The following ROBO1 variants were observed in gnomAD, a reference collection of about 807,000 sequenced individuals.
The protein encoded by ROBO1 is roundabout homolog 1.
A neutral mutation model predicts 195.9 loss-of-function variants in ROBO1; 149 were observed. The observed-to-expected ratio is 0.76, with a 90% confidence interval of 0.67 to 0.87. The LOEUF (loss-of-function observed/expected upper bound fraction) is 0.87. Among genes scored for constraint, ROBO1 ranks in the 40% least tolerant of loss-of-function variants. ROBO1 has a pLI of 0.00. For synonymous variants in ROBO1, 816 were observed against 733.2 expected (o/e 1.11, Z -1.82); for missense variants, 1,933 against 2,068.3 (o/e 0.93, Z 1.27).
At chr3:79,708,815 T>C (rs571305397) in intron 1 of ROBO1, among the ~76,000 whole-genome samples, 3 of 152,272 alleles carry the variant, frequency 2.0e-5, no homozygotes, top group Non-Finnish European at 4.4e-5. Flanking sequence ...TGCAGTGAGC[T>C]GTGATCGTGC....
chr3:79,256,717 T>C (rs1325227919), intron 2 of ROBO1, among the ~76,000 whole-genome samples: 7 of 152,144 alleles, frequency 4.6e-5, no homozygotes, highest in African/African-American at 1.7e-4. Flanking sequence ...TAACTTTCTG[T>C]GATTAAAGAA....
chr3:79,174,141 A>G (rs575042648), intron 2 of ROBO1, among the ~76,000 whole-genome samples: 80 of 152,062 alleles, frequency 5.3e-4, no homozygotes, highest in African/African-American at 1.9e-3. Context: ...CCCCTTCCAC[A>G]CTGTGGAAGC....
intron 1 of ROBO1, among the ~76,000 whole-genome samples, chr3:79,716,149 G>T (rs1242241601): frequency 1.3e-5 from 2 of 151,764 alleles, no homozygotes; most frequent in East Asian, 3.9e-4. Context: ...TCAAATATCT[G>T]GAAATTTAAT....
At chr3:79,459,468 G>A (rs2039728521) in intron 2 of ROBO1, among the ~76,000 whole-genome samples, 1 of 151,046 alleles carries the variant, frequency 6.6e-6, no homozygotes, top group Non-Finnish European at 1.5e-5. Context: ...TATATAAGGA[G>A]GACAAGGAAA....
intron 2 of ROBO1, among the ~76,000 whole-genome samples, chr3:79,360,343 A>G (rs1390403323): frequency 6.6e-6 from 1 of 152,072 alleles, no homozygotes; most frequent in Non-Finnish European, 1.5e-5. Context: ...CTATCCGTGA[A>G]TAAATTTTCT....
chr3:78,761,396 G>T (rs569274929), intron 4 of ROBO1, among the ~76,000 whole-genome samples: 187 of 151,954 alleles, frequency 1.2e-3, no homozygotes, highest in African/African-American at 4.2e-3. Flanking sequence ...TAATGTATAA[G>T]GTTTTACTTC....
chr3:79,163,785 G>A (rs1459209087), intron 2 of ROBO1, among the ~76,000 whole-genome samples: 1 of 151,980 alleles, frequency 6.6e-6, no homozygotes, highest in Non-Finnish European at 1.5e-5. Flanking sequence ...CAAAGAAAAG[G>A]ATCCTATTTA....
intron 2 of ROBO1, among the ~76,000 whole-genome samples, chr3:79,475,469 A>G (rs1363054996): frequency 1.3e-5 from 2 of 152,082 alleles, no homozygotes; most frequent in East Asian, 3.8e-4. Flanking sequence ...ACAACTCAAT[A>G]AAGTCTGAAT....
chr3:78,635,652 A>C, intron 23 of ROBO1, 121 bp downstream of exon 23: 1 of 870,060 alleles, frequency 1.1e-6, no homozygotes. Context: ...CAAAGAAATA[A>C]GAAAATCTCA....
rs367930598 is a variant in ROBO1, at chr3:79,045,080, G to A, written c.172+80376C>T. 7.2e-4 allele frequency among the ~76,000 whole-genome samples: 110 copies of A among 151,994 alleles called. 1 individual carries two copies. Among genetic ancestry groups the A allele is most frequent in the African/African-American group, 2.2e-3 (90 of 41,488 alleles). ...ATAGTTCTTTGAAAGACCATGAAGC[G>A]CTATGGAAGAAATGATCTGATCCTT... is the stretch of plus-strand genomic sequence containing the variant. On this transcript the variant is annotated intron_variant, in intron 3 of 30. Transcript: ENST00000464233.
chr3:79,652,351 T>C (rs1219518894), intron 1 of ROBO1, among the ~76,000 whole-genome samples: 1 of 151,696 alleles, frequency 6.6e-6, no homozygotes, highest in Non-Finnish European at 1.5e-5. Flanking sequence ...GTTAGCTTTC[T>C]ACTATTTGCT....
intron 2 of ROBO1, among the ~76,000 whole-genome samples, chr3:79,519,225 C>A (rs905290790): frequency 5.3e-5 from 8 of 152,034 alleles, no homozygotes; most frequent in Admixed American, 1.3e-4. Context: ...CTCTCAATGG[C>A]GCTGAAAATT....
chr3:78,820,164 G>A (rs1044183915), intron 4 of ROBO1, among the ~76,000 whole-genome samples: 2 of 151,162 alleles, frequency 1.3e-5, no homozygotes, highest in Non-Finnish European at 2.9e-5. Flanking sequence ...TTGATTATAC[G>A]CAAATTTCTT....
intron 2 of ROBO1, among the ~76,000 whole-genome samples, chr3:79,141,972 G>A (rs542939150): frequency 8.0e-5 from 12 of 150,348 alleles, no homozygotes; most frequent in African/African-American, 2.7e-4. Context: ...TGACATTTGT[G>A]GTTTTTTTTG....
intron 2 of ROBO1, among the ~76,000 whole-genome samples, chr3:79,225,580 G>A (rs1313438777): frequency 6.6e-6 from 1 of 152,120 alleles, no homozygotes; most frequent in Non-Finnish European, 1.5e-5. Flanking sequence ...CACTAAGCCT[G>A]CAGCATTCTC....
chr3:78,669,700 CACTT>C (rs1258534783), intron 11 of ROBO1, among the ~76,000 whole-genome samples: 9 of 152,138 alleles, frequency 5.9e-5, no homozygotes, highest in East Asian at 3.9e-4. Context: ...CTGAAACAAA[CACTT>C]ACAATAGAAG....
At position 78,706,707 on chromosome 3, in the gene ROBO1, C is replaced by T. The variant is rs142829534; in HGVS notation, c.1045+7690G>A. On this transcript the variant is annotated intron_variant, in intron 8 of 30. Coordinates refer to ENST00000464233, the MANE Select transcript of ROBO1 (RefSeq NM_002941.4). ...ATGAGACAAGGTGGAGGCAAGGAAC[C>T]TGGTTAGAAGTTAAGAGTTTCCCGG... is the stretch of plus-strand genomic sequence containing the variant. Among the ~76,000 whole-genome samples the T allele has an allele frequency of 3.2e-3, 493 of 152,058 alleles. 2 individuals are homozygous for T. The highest frequency in any genetic ancestry group is 0.02 in the Middle Eastern group (6 of 294).
intron 2 of ROBO1, among the ~76,000 whole-genome samples, chr3:79,539,975 A>C (rs1942005318): frequency 6.6e-6 from 1 of 152,066 alleles, no homozygotes; most frequent in South Asian, 2.1e-4. Context: ...TTTGAAAATT[A>C]TAATAATTCA....
intron 3 of ROBO1, among the ~76,000 whole-genome samples, chr3:78,957,219 C>A (rs1363942049): frequency 6.6e-6 from 1 of 150,916 alleles, no homozygotes; most frequent in Non-Finnish European, 1.5e-5. Flanking sequence ...AACTCTTTTG[C>A]ATTCATTTAT....
Sources: gnomAD v4.1 joint callset for allele counts (sites outside exome capture counted in the v4.1 genomes callset) on GRCh38, gnomAD v4.1.1 for gene constraint, MANE v1.5 for transcripts, NCBI Gene and HGNC (gene_info 2026-07-23, HGNC 2026-07-21) for gene names.